The following CLEC16A variants were observed in gnomAD, a reference collection of about 807,000 sequenced individuals.
CLEC16A encodes C-type lectin domain containing 16A, also known as protein CLEC16A.
Under a neutral mutation model 109.5 loss-of-function variants are expected in CLEC16A, and 51 were observed. The ratio of observed to expected loss-of-function variants is 0.47; its 90% CI spans 0.37 to 0.59. The LOEUF is 0.59. CLEC16A is among the 20% of genes least tolerant of loss of function. The probability of loss-of-function intolerance (pLI) is 0.00; values close to 1 mark genes in which losing one functional copy is unlikely to be tolerated. For synonymous variants in CLEC16A, 673 were observed against 564.2 expected, an observed-to-expected ratio of 1.19 and a Z score of -2.73; for missense variants, 1,339 against 1,394.0, an observed-to-expected ratio of 0.96 and a Z score of 0.63.
At chr16:11,010,280 A>G (rs1329185039) in intron 11 of CLEC16A, among the ~76,000 whole-genome samples, 4 of 151,878 alleles carry the variant, frequency 2.6e-5, no homozygotes, top group African/African-American at 9.7e-5. Flanking sequence ...CCTCTTTCAT[A>G]AACATGAATC....
chr16:11,136,768 A>G (rs1193664485), intron 22 of CLEC16A, among the ~76,000 whole-genome samples: 1 of 152,210 alleles, frequency 6.6e-6, no homozygotes, highest in Non-Finnish European at 1.5e-5. Context: ...GGGCTGGAGA[A>G]GAGCACAAAT....
At chr16:11,087,644 T>C (rs1464547942) in intron 19 of CLEC16A, among the ~76,000 whole-genome samples, 3 of 152,184 alleles carry the variant, frequency 2.0e-5, no homozygotes, top group African/African-American at 7.2e-5. Flanking sequence ...AAGTTCTATA[T>C]CTGCCTCACC....
intron 16 of CLEC16A, among the ~76,000 whole-genome samples, chr16:11,047,012 A>T (rs543904849): frequency 1.3e-5 from 2 of 148,468 alleles, no homozygotes; most frequent in Non-Finnish European, 3.0e-5. Flanking sequence ...AATCCTACAT[A>T]GTAGTTTTTT....
At chr16:10,963,567 G>A (rs1464674751) in intron 3 of CLEC16A, among the ~76,000 whole-genome samples, 1 of 152,202 alleles carries the variant, frequency 6.6e-6, no homozygotes, top group Non-Finnish European at 1.5e-5. Context: ...AGGCAAGGGT[G>A]TGTGCATTGG....
At chr16:11,128,042 A>G (rs1252107026) in intron 22 of CLEC16A, among the ~76,000 whole-genome samples, 1 of 152,142 alleles carries the variant, frequency 6.6e-6, no homozygotes, top group Non-Finnish European at 1.5e-5. Flanking sequence ...GTAAATATAA[A>G]GTGTGACTGA....
intron 19 of CLEC16A, among the ~76,000 whole-genome samples, chr16:11,086,183 G>A (rs1397149975): frequency 6.6e-6 from 1 of 152,196 alleles, no homozygotes; most frequent in Non-Finnish European, 1.5e-5. Context: ...ACAAGCACTG[G>A]ACCAAGGATG....
intron 13 of CLEC16A, among the ~76,000 whole-genome samples, chr16:11,029,253 C>G (rs747173814): frequency 1.4e-4 from 21 of 152,134 alleles, no homozygotes; most frequent in East Asian, 1.9e-4. Flanking sequence ...GAGGTGGTCT[C>G]TCCACACTGG....
rs760996776 is a variant in CLEC16A, at chr16:10,971,279, C to T, written c.598+49C>T. The T allele has an allele frequency of 3.0e-6, 4 of 1,317,036 alleles. No individual in the cohort carries two copies. In the East Asian group the frequency reaches 9.4e-5, roughly 31 times the overall value. 81.6% of individuals were successfully genotyped at this position (1,317,036 alleles called of 1,614,324 possible). On this transcript the variant is annotated intron_variant, in intron 5 of 23. Transcript: ENST00000409790. ...TCTCGGCTGATTTCTGACTTGGCAG[C>T]AAGCACTCACTCCCGTGTGTGTGCG...
chr16:10,972,869 T>G, intron 6 of CLEC16A, 69 bp from the exon 7 acceptor site: 1 of 1,491,968 alleles, frequency 6.7e-7, no homozygotes, highest in Non-Finnish European at 8.9e-7. Context: ...TTGTTTTTGT[T>G]TTTTTTTTAA....
chr16:11,018,616 G>A (rs2045906432), intron 11 of CLEC16A, among the ~76,000 whole-genome samples: 1 of 152,080 alleles, frequency 6.6e-6, no homozygotes, highest in African/African-American at 2.4e-5. Context: ...GGGTGTGGTG[G>A]CGGGTGCCTG....
At chr16:11,054,757 C>G (rs2048121650) in intron 18 of CLEC16A, among the ~76,000 whole-genome samples, 1 of 152,168 alleles carries the variant, frequency 6.6e-6, no homozygotes, top group Non-Finnish European at 1.5e-5. Context: ...CATCCAGAAG[C>G]TTAGCTCTTC....
chr16:11,112,674 C>T (rs1006349581), intron 19 of CLEC16A, among the ~76,000 whole-genome samples: 3 of 152,024 alleles, frequency 2.0e-5, no homozygotes, highest in East Asian at 1.9e-4. Context: ...TACATACATA[C>T]ATACATACAC....
At chr16:11,031,554 A>G (rs1395764590) in intron 13 of CLEC16A, among the ~76,000 whole-genome samples, 1 of 152,048 alleles carries the variant, frequency 6.6e-6, no homozygotes, top group Non-Finnish European at 1.5e-5. Flanking sequence ...TCCTTCTCCC[A>G]TTTTCTGCTA....
intron 20 of CLEC16A, among the ~76,000 whole-genome samples, chr16:11,122,996 C>T (rs999337502): frequency 2.0e-5 from 3 of 147,386 alleles, no homozygotes; most frequent in African/African-American, 2.5e-5. Context: ...CTCTGCCTTC[C>T]GGGTTCAAGC....
intron 11 of CLEC16A, among the ~76,000 whole-genome samples, chr16:11,003,527 A>G (rs565252358): frequency 6.6e-6 from 1 of 152,312 alleles, no homozygotes; most frequent in South Asian, 2.1e-4. Context: ...TCCCGCCCTC[A>G]TGGGATGGGT....
chr16:11,110,807 C>T lies in CLEC16A; in HGVS notation c.2117-9808C>T, dbSNP rs145816578. Among the ~76,000 whole-genome samples, 733 of 152,256 alleles carry T rather than the reference C, an allele frequency of 4.8e-3. 7 individuals are homozygous for T. Among genetic ancestry groups the T allele is most frequent in the Non-Finnish European group, 7.7e-3 (527 of 68,012 alleles). On this transcript the variant is annotated intron_variant, in intron 19 of 23. Transcript: ENST00000409790. Reference sequence around the variant, plus strand: ...CTGAGACTCAGAAAAGGGAGGTGATCGGCCCAGGGTCACACAGTTTAATAA... The same window carrying T: ...CTGAGACTCAGAAAAGGGAGGTGATTGGCCCAGGGTCACACAGTTTAATAA...
At chr16:11,097,517 T>C (rs1185326613) in intron 19 of CLEC16A, among the ~76,000 whole-genome samples, 1 of 152,222 alleles carries the variant, frequency 6.6e-6, no homozygotes, top group African/African-American at 2.4e-5. Context: ...TTTTACTTCC[T>C]TCTTTACCTG....
chr16:11,027,327 C>G, intron 13 of CLEC16A: 1 of 1,431,630 alleles, frequency 7.0e-7, no homozygotes, highest in Non-Finnish European at 9.8e-7. Flanking sequence ...CGTGAGTTTA[C>G]TGGTGCAGAG....
intron 19 of CLEC16A, among the ~76,000 whole-genome samples, chr16:11,116,768 C>G (rs964967353): frequency 2.0e-5 from 3 of 152,198 alleles, no homozygotes; most frequent in African/African-American, 7.2e-5. Context: ...CCATGTTACC[C>G]TTCTCCTCCC....
Sources: allele counts gnomAD v4.1 joint callset (sites outside exome capture counted in the v4.1 genomes callset), GRCh38; gene constraint gnomAD v4.1.1; transcripts MANE v1.5; gene names NCBI Gene and HGNC (gene_info 2026-07-23, HGNC 2026-07-21).